Variants in CILK1 observed in about 807,000 individuals in gnomAD.
CILK1 encodes ciliogenesis associated kinase 1.
Under a neutral mutation model 79.2 loss-of-function variants are expected in CILK1, and 47 were observed. That is an observed-to-expected ratio of 0.59 (90% CI 0.47 to 0.76). The LOEUF is 0.76. CILK1 is among the 30% of genes least tolerant of loss of function. The pLI, the probability that CILK1 is intolerant of heterozygous loss-of-function variation, is 0.00. For synonymous variants in CILK1, 266 were observed against 275.9 expected, an observed-to-expected ratio of 0.96 and a Z score of 0.36; for missense variants, 660 against 769.5, an observed-to-expected ratio of 0.86 and a Z score of 1.68.
At chr6:53,025,225 G>T (rs1014903666) in intron 5 of CILK1, among the ~76,000 whole-genome samples, 3 of 152,008 alleles carry the variant, frequency 2.0e-5, no homozygotes, top group African/African-American at 7.3e-5. Context: ...CATTTAGTTG[G>T]GGTAATTATT....
intron 1 of CILK1, among the ~76,000 whole-genome samples, chr6:53,045,791 T>A (rs76060491): frequency 1.1e-3 from 129 of 113,272 alleles, no homozygotes; most frequent in East Asian, 2.3e-3. Context: ...GTCATCTTCC[T>A]AAAAAAAAAA....
At chr6:53,046,267 A>G (rs569384297) in intron 1 of CILK1, among the ~76,000 whole-genome samples, 127 of 152,214 alleles carry the variant, frequency 8.3e-4, no homozygotes, top group Non-Finnish European at 1.5e-3. Context: ...AGTAACCTAT[A>G]TTACAGTAGC....
chr6:53,028,565 A>G (rs1279276798), intron 5 of CILK1, among the ~76,000 whole-genome samples: 1 of 152,252 alleles, frequency 6.6e-6, no homozygotes, highest in East Asian at 1.9e-4. Context: ...GCAAGGAAAT[A>G]AGGTAACAGA....
chr6:53,056,090 T>G (rs79281226), intron 1 of CILK1, among the ~76,000 whole-genome samples: 1 of 152,316 alleles, frequency 6.6e-6, no homozygotes, highest in African/African-American at 2.4e-5. Context: ...TTCATGATAC[T>G]GGCAAATAAG....
At chr6:53,025,317 A>C (rs1206175768) in intron 5 of CILK1, among the ~76,000 whole-genome samples, 1 of 152,086 alleles carries the variant, frequency 6.6e-6, no homozygotes, top group African/African-American at 2.4e-5. Context: ...TCCCTCTGGC[A>C]TCATCTAGAA....
rs145264033 is a variant in CILK1 at position 53,005,379 on chromosome 6, G to A, written c.1745-76C>T. On this transcript the variant is annotated intron_variant, in intron 13 of 13. Coordinates refer to ENST00000676107, the MANE Select transcript of CILK1 (RefSeq NM_014920.5). ...AAAGTACAAATAAATGCATTTTGGTGACAAAAACATGAGAAAATAAGGAGT... is the reference window on the plus strand; with the variant it reads ...AAAGTACAAATAAATGCATTTTGGTAACAAAAACATGAGAAAATAAGGAGT... 4,683 of 1,499,388 alleles carry A rather than the reference G, an allele frequency of 3.1e-3. 20 individuals are homozygous for A. Among genetic ancestry groups the A allele is most frequent in the Middle Eastern group, 6.0e-3 (35 of 5,830 alleles). The allele number at this position is 1,499,388 out of a possible 1,614,324, so 92.9% of individuals were successfully genotyped here.
chr6:53,007,120 T>C lies in CILK1; in HGVS notation c.1622-683A>G, dbSNP rs1387036401. ...GATGGGTGAATGAATATAATTCTTATTATTTAGGCTTAAAGGTACACATGG... is the reference window on the plus strand; with the variant it reads ...GATGGGTGAATGAATATAATTCTTACTATTTAGGCTTAAAGGTACACATGG... On this transcript the variant is annotated intron_variant, in intron 12 of 13. Transcript: ENST00000676107. 3.3e-5 allele frequency among the ~76,000 whole-genome samples: 5 copies of C among 152,214 alleles called. No individual in the cohort carries two copies. The East Asian group carries it at 9.6e-4, about 29-fold the overall frequency.
chr6:53,043,364 G>T (rs1766838591), intron 1 of CILK1, among the ~76,000 whole-genome samples: 1 of 151,676 alleles, frequency 6.6e-6, no homozygotes. Context: ...AATAAATCCA[G>T]ACTGTGTTCT....
At chr6:53,017,095 A>G (rs1243086081) in intron 7 of CILK1, among the ~76,000 whole-genome samples, 2 of 152,244 alleles carry the variant, frequency 1.3e-5, no homozygotes, top group Non-Finnish European at 2.9e-5. Context: ...GTAAAAACTG[A>G]CAAAAGCTGC....
intron 5 of CILK1, among the ~76,000 whole-genome samples, chr6:53,020,442 T>C (rs1765162070): frequency 6.6e-6 from 1 of 152,232 alleles, no homozygotes. Context: ...ACATTATCAT[T>C]GCTATCATTA....
intron 12 of CILK1, among the ~76,000 whole-genome samples, chr6:53,006,862 T>C (rs1764254323): frequency 6.6e-6 from 1 of 152,258 alleles, no homozygotes; most frequent in African/African-American, 2.4e-5. Context: ...CATTTTCTTA[T>C]TGATCAACAC....
At chr6:53,048,627 T>TG (rs1767266671) in intron 1 of CILK1, among the ~76,000 whole-genome samples, 1 of 151,032 alleles carries the variant, frequency 6.6e-6, no homozygotes, top group South Asian at 2.1e-4. Flanking sequence ...AACTTACTGT[T>TG]GCGCTGGGAA....
chr6:53,040,304 A>G (rs1766614880), intron 2 of CILK1, among the ~76,000 whole-genome samples: 1 of 152,244 alleles, frequency 6.6e-6, no homozygotes, highest in South Asian at 2.1e-4. Flanking sequence ...TTACAAAAGC[A>G]AGATATGACT....
At chr6:53,047,500 CTTTTTTTT>C (rs574158671) in intron 1 of CILK1, among the ~76,000 whole-genome samples, 1 of 82,402 alleles carries the variant, frequency 1.2e-5, no homozygotes, top group Non-Finnish European at 2.4e-5. Flanking sequence ...GATGAGGTCT[CTTTTTTTT>C]TTTTTTTTCC....
At chr6:53,023,728 A>G (rs1048346452) in intron 5 of CILK1, among the ~76,000 whole-genome samples, 1 of 152,242 alleles carries the variant, frequency 6.6e-6, no homozygotes, top group Non-Finnish European at 1.5e-5. Flanking sequence ...TTATCATGGA[A>G]AGGAACAATA....
chr6:53,033,005 G>A (rs1406546357), intron 3 of CILK1, among the ~76,000 whole-genome samples: 1 of 152,220 alleles, frequency 6.6e-6, no homozygotes, highest in African/African-American at 2.4e-5. Context: ...AATAAAAGAA[G>A]CTTAGATTTT....
At chr6:53,039,716 C>A (rs1373505838) in intron 2 of CILK1, among the ~76,000 whole-genome samples, 2 of 152,124 alleles carry the variant, frequency 1.3e-5, no homozygotes, top group African/African-American at 4.8e-5. Flanking sequence ...GTTCATGGAA[C>A]ACAAAGAACA....
rs1031901935 is a variant in CILK1, at chr6:53,003,297, C to T, written c.*1852G>A. ...ATTCTCCAAAGCATAAATTACTCTCCGATTTTAGGTTAGGGCCCTTTGGAA... is the reference window on the plus strand; with the variant it reads ...ATTCTCCAAAGCATAAATTACTCTCTGATTTTAGGTTAGGGCCCTTTGGAA... On this transcript the variant is annotated 3_prime_UTR_variant, in exon 14 of 14. Coordinates refer to ENST00000676107, the MANE Select transcript of CILK1 (RefSeq NM_014920.5). 5 of 152,366 alleles carry T rather than the reference C, an allele frequency of 3.3e-5. No homozygotes were observed. The highest frequency in any genetic ancestry group is 1.9e-4 in the East Asian group (1 of 5,188). 9.4% of individuals were successfully genotyped at this position (152,366 alleles called of 1,614,324 possible).
rs553460772 is a variant in CILK1, at chr6:53,011,168, C to T, written c.1492+601G>A. ...GCTCCTACCCTGGTTTCCCTATTGG[C>T]CATTTCCCCTAAACCTGGTCTGGTA... On this transcript the variant is annotated intron_variant, in intron 11 of 13. Transcript: ENST00000676107. Among the ~76,000 whole-genome samples the T allele has an allele frequency of 7.9e-5, 12 of 152,266 alleles. No homozygotes were observed. In the East Asian group the frequency reaches 2.1e-3, roughly 27 times the overall value.
Sources: allele counts gnomAD v4.1 joint callset (sites outside exome capture counted in the v4.1 genomes callset), GRCh38; gene constraint gnomAD v4.1.1; transcripts MANE v1.5; gene names NCBI Gene and HGNC (gene_info 2026-07-23, HGNC 2026-07-21).